Variants in GRIK2 observed in about 807,000 individuals in gnomAD.
The protein encoded by GRIK2 is glutamate receptor ionotropic, kainate 2.
Under a neutral mutation model 100.3 loss-of-function variants are expected in GRIK2, and 32 were observed. The observed-to-expected ratio is 0.32, with a 90% CI of 0.24 to 0.43. The LOEUF (loss-of-function observed/expected upper bound fraction) is 0.43. GRIK2 is among the 20% of genes least tolerant of loss of function. The pLI is 1.00. For synonymous variants in GRIK2, 417 were observed against 389.4 expected, an observed-to-expected ratio of 1.07 and a Z score of -0.83; for missense variants, 843 against 1,114.9, an observed-to-expected ratio of 0.76 and a Z score of 3.47.
chr6:101,509,624 T>A (rs549353994), intron 2 of GRIK2, among the ~76,000 whole-genome samples: 1 of 152,216 alleles, frequency 6.6e-6, no homozygotes, highest in Admixed American at 6.5e-5. Flanking sequence ...AGGTAGAAGA[T>A]GAAGAATCTG....
At chr6:101,970,778 G>C (rs1793000014) in intron 14 of GRIK2, among the ~76,000 whole-genome samples, 1 of 146,030 alleles carries the variant, frequency 6.8e-6, no homozygotes, top group African/African-American at 2.8e-5. Context: ...TCTAATGTCT[G>C]AGTCCTGTCT....
intron 14 of GRIK2, among the ~76,000 whole-genome samples, chr6:101,977,995 A>G (rs1463245151): frequency 6.6e-6 from 1 of 152,002 alleles, no homozygotes; most frequent in African/African-American, 2.4e-5. Context: ...TTGTAGAAGA[A>G]AAAAAGTGGT....
intron 7 of GRIK2, among the ~76,000 whole-genome samples, chr6:101,751,838 A>C (rs942597174): frequency 4.6e-5 from 7 of 152,202 alleles, no homozygotes; most frequent in African/African-American, 1.7e-4. Context: ...CATAGATGAT[A>C]CTGTCTTCTT....
At chr6:101,486,444 C>T (rs1772839036) in intron 2 of GRIK2, among the ~76,000 whole-genome samples, 1 of 151,534 alleles carries the variant, frequency 6.6e-6, no homozygotes. Flanking sequence ...AAGGGGTTTT[C>T]CTTCTGAGCT....
At chr6:101,675,880 A>G (rs1770798157) in intron 4 of GRIK2, among the ~76,000 whole-genome samples, 1 of 152,182 alleles carries the variant, frequency 6.6e-6, no homozygotes, top group Admixed American at 6.6e-5. Context: ...AATCTATTTT[A>G]TTAAGGAAAG....
At chr6:101,786,304 T>C (rs1402045888) in intron 7 of GRIK2, among the ~76,000 whole-genome samples, 1 of 152,038 alleles carries the variant, frequency 6.6e-6, no homozygotes, top group Non-Finnish European at 1.5e-5. Flanking sequence ...TTCTGTTGTC[T>C]GATTGCTCTG....
At position 101,738,162 on chromosome 6, in the gene GRIK2, TG is replaced by T. The variant is rs1775781271; in HGVS notation, c.951+51810del. ...TACAATTGACACATTAAATGTCAAT[TG>T]TAATTGACAATTGTCAAATGTCAAT... On this transcript the variant is annotated intron_variant, in intron 7 of 16. Coordinates refer to ENST00000369134, the MANE Select transcript of GRIK2 (RefSeq NM_021956.5). Among the ~76,000 whole-genome samples the T allele has an allele frequency of 2.0e-5, 3 of 147,080 alleles. No individual in the cohort carries two copies. In the Admixed American group the frequency reaches 2.0e-4, roughly 10 times the overall value.
intron 2 of GRIK2, among the ~76,000 whole-genome samples, chr6:101,536,064 A>G (rs1348085352): frequency 6.6e-6 from 1 of 151,794 alleles, no homozygotes; most frequent in Non-Finnish European, 1.5e-5. Flanking sequence ...ATCTGAGATT[A>G]TTACACTGAT....
intron 6 of GRIK2, among the ~76,000 whole-genome samples, chr6:101,685,440 A>G (rs980519730): frequency 1.3e-5 from 2 of 152,160 alleles, no homozygotes; most frequent in Non-Finnish European, 2.9e-5. Context: ...TAGCTATGCC[A>G]ACTAGAAAGA....
At chr6:101,831,257 A>G (rs1317867267) in intron 10 of GRIK2, among the ~76,000 whole-genome samples, 2 of 152,162 alleles carry the variant, frequency 1.3e-5, no homozygotes, top group East Asian at 1.9e-4. Flanking sequence ...TAAAACATAT[A>G]TGAGCCCATG....
At chr6:101,859,153 T>A in intron 10 of GRIK2, 134 bp from the exon 11 acceptor site, 1 of 577,736 alleles carries the variant, frequency 1.7e-6, no homozygotes, top group Non-Finnish European at 3.1e-6. Flanking sequence ...TCATTAATTA[T>A]AATTAGAAGA....
At chr6:101,603,522 G>GA (rs1482298970) in intron 2 of GRIK2, among the ~76,000 whole-genome samples, 2 of 151,626 alleles carry the variant, frequency 1.3e-5, no homozygotes, top group East Asian at 3.9e-4. Flanking sequence ...AGCTATTTGT[G>GA]AAAAAAACTT....
At position 102,055,311 on chromosome 6, in the gene GRIK2, A is replaced by T. The variant is rs748814638; in HGVS notation, c.2312-19A>T. 1.9e-6 allele frequency: 3 copies of T among 1,590,618 alleles called. No individual in the cohort carries two copies. Among genetic ancestry groups the T allele is most frequent in the Non-Finnish European group, 2.6e-6 (3 of 1,161,588 alleles). ...TTTCAGGTTCCTTGAAATACTTAAC[A>T]TAACCTCTCCTTTCTTAGGTTCTCC... On this transcript the variant is annotated intron_variant, in intron 15 of 16. Coordinates refer to ENST00000369134, the MANE Select transcript of GRIK2 (RefSeq NM_021956.5).
intron 2 of GRIK2, among the ~76,000 whole-genome samples, chr6:101,449,371 C>G (rs1770545237): frequency 1.3e-5 from 2 of 151,590 alleles, no homozygotes; most frequent in Admixed American, 1.3e-4. Flanking sequence ...TAATTTAGCT[C>G]CAGGCTTCCT....
intron 14 of GRIK2, among the ~76,000 whole-genome samples, chr6:101,942,735 A>T (rs1791031558): frequency 6.6e-6 from 1 of 152,184 alleles, no homozygotes; most frequent in African/African-American, 2.4e-5. Flanking sequence ...CCTGGCTTCT[A>T]CTAACAGCAT....
At chr6:102,068,251 A>G in intron 16 of GRIK2, 96 bp from the exon 17 acceptor site, 1 of 849,690 alleles carries the variant, frequency 1.2e-6, no homozygotes, top group Non-Finnish European at 1.8e-6. Flanking sequence ...CAAGGATGTT[A>G]TGTGACAAGT....
At chr6:101,703,926 C>T (rs1582991617) in intron 7 of GRIK2, among the ~76,000 whole-genome samples, 1 of 151,286 alleles carries the variant, frequency 6.6e-6, no homozygotes, top group South Asian at 2.1e-4. Context: ...CTCATTTTCT[C>T]CATTTTATTA....
At chr6:101,915,393 A>G (rs1265366570) in intron 12 of GRIK2, among the ~76,000 whole-genome samples, 1 of 151,452 alleles carries the variant, frequency 6.6e-6, no homozygotes, top group African/African-American at 2.4e-5. Flanking sequence ...TAAAAAATTA[A>G]AAAAACAAGC....
intron 2 of GRIK2, among the ~76,000 whole-genome samples, chr6:101,502,931 G>T (rs897787660): frequency 2.6e-5 from 4 of 152,066 alleles, no homozygotes; most frequent in Non-Finnish European, 5.9e-5. Flanking sequence ...AGCTGCATTT[G>T]CCATCTCCCT....
Sources: gnomAD v4.1 joint callset for allele counts (sites outside exome capture counted in the v4.1 genomes callset) on GRCh38, gnomAD v4.1.1 for gene constraint, MANE v1.5 for transcripts, NCBI Gene and HGNC (gene_info 2026-07-23, HGNC 2026-07-21) for gene names.